Variants in ADAMTS16 observed in about 807,000 individuals in gnomAD.
ADAMTS16 encodes ADAM metallopeptidase with thrombospondin type 1 motif 16.
Under a neutral mutation model 145.8 loss-of-function variants are expected in ADAMTS16, and 94 were observed. That is an observed-to-expected ratio of 0.64 (90% CI 0.55 to 0.77). The LOEUF (loss-of-function observed/expected upper bound fraction) is 0.77, where lower values mean the gene tolerates loss of function less well. Ranked by LOEUF, ADAMTS16 falls within the 30% of genes least tolerant of loss-of-function variation. ADAMTS16 has a pLI of 0.00. For synonymous variants in ADAMTS16, 659 were observed against 604.3 expected, an observed-to-expected ratio of 1.09 and a Z score of -1.33; for missense variants, 1,585 against 1,591.5, an observed-to-expected ratio of 1.00 and a Z score of 0.07.
At position 5,150,550 on chromosome 5, in the gene ADAMTS16, G is replaced by A. The variant is rs1734424003; in HGVS notation, c.501+4095G>A. On this transcript the variant is annotated intron_variant, in intron 3 of 22. Coordinates refer to ENST00000274181, the MANE Select transcript of ADAMTS16 (RefSeq NM_139056.4). ...TGGGTTTTATACCCGGGCACATGAC[G>A]TGCTGGACAAGTTCTGCAGTTCAAT... Among the ~76,000 whole-genome samples, 3 of 152,352 alleles carry A rather than the reference G, an allele frequency of 2.0e-5. No homozygotes were observed. The South Asian group carries it at 6.2e-4, about 32-fold the overall frequency.
In ADAMTS16 at chr5:5,232,345, C is replaced by T. The variant is rs369282647; in HGVS notation, c.1702-23C>T. On this transcript the variant is annotated intron_variant, in intron 11 of 22. Coordinates refer to ENST00000274181, the MANE Select transcript of ADAMTS16 (RefSeq NM_139056.4). Reference sequence around the variant, plus strand: ...TATCCATCTGTGTGAGTCAAGTCAACTTATTTATGTTGAAAATTTTAGTGG... The same window carrying T: ...TATCCATCTGTGTGAGTCAAGTCAATTTATTTATGTTGAAAATTTTAGTGG... The T allele has an allele frequency of 2.5e-6, 4 of 1,613,652 alleles. No homozygotes were observed. In the African/African-American group the frequency reaches 5.3e-5, roughly 22 times the overall value.
chr5:5,245,150 A>G (rs761731009), intron 17 of ADAMTS16, among the ~76,000 whole-genome samples: 3 of 152,198 alleles, frequency 2.0e-5, no homozygotes, highest in Non-Finnish European at 4.4e-5. Context: ...GATCCTTTGG[A>G]ACTAAATCCT....
At chr5:5,220,321 G>A (rs889357544) in intron 10 of ADAMTS16, among the ~76,000 whole-genome samples, 9 of 149,810 alleles carry the variant, frequency 6.0e-5, no homozygotes, top group African/African-American at 2.0e-4. Flanking sequence ...CACCACGCCT[G>A]GCTAATTTTT....
intron 18 of ADAMTS16, among the ~76,000 whole-genome samples, chr5:5,271,946 G>T (rs1738494117): frequency 6.6e-6 from 1 of 152,112 alleles, no homozygotes; most frequent in Admixed American, 6.5e-5. Flanking sequence ...CTGCCTGCTG[G>T]TTGCACACTC....
chr5:5,290,820 A>G (rs1463103045), intron 18 of ADAMTS16, among the ~76,000 whole-genome samples: 1 of 152,048 alleles, frequency 6.6e-6, no homozygotes. Flanking sequence ...CCCCTTGTAA[A>G]CTTTCACTGT....
intron 8 of ADAMTS16, among the ~76,000 whole-genome samples, chr5:5,198,522 GTT>G (rs918288652): frequency 6.6e-6 from 1 of 152,094 alleles, no homozygotes; most frequent in African/African-American, 2.4e-5. Context: ...AAGTGTCAAG[GTT>G]TCAGCCTTGA....
At chr5:5,275,799 G>A (rs1738665430) in intron 18 of ADAMTS16, among the ~76,000 whole-genome samples, 1 of 151,202 alleles carries the variant, frequency 6.6e-6, no homozygotes, top group Non-Finnish European at 1.5e-5. Flanking sequence ...TTGTGTCATT[G>A]GGTTTACCTA....
chr5:5,313,787 C>T (rs539360590), intron 21 of ADAMTS16, among the ~76,000 whole-genome samples: 4 of 152,384 alleles, frequency 2.6e-5, no homozygotes, highest in South Asian at 4.1e-4. Context: ...TGCGTGTGTA[C>T]GCAAACACAC....
Position 5,182,314 on chromosome 5 carries a change from G to T in ADAMTS16, c.763+9G>T. On this transcript the variant is annotated intron_variant, in intron 4 of 22. Transcript: ENST00000274181. ...TGGAAGACGCAAGAAATGTATGTAA[G>T]GGCGAATCTTTGTGTGTATTTAGTG... 1 of 1,604,220 alleles carries T rather than the reference G, an allele frequency of 6.2e-7. No individual in the cohort carries two copies. The highest frequency in any genetic ancestry group is 1.1e-5 in the South Asian group (1 of 90,476).
intron 4 of ADAMTS16, among the ~76,000 whole-genome samples, chr5:5,185,685 G>A (rs1244048462): frequency 6.6e-6 from 1 of 152,178 alleles, no homozygotes; most frequent in Non-Finnish European, 1.5e-5. Flanking sequence ...GTAATTGTTT[G>A]TTCCATTGCT....
At chr5:5,316,474 C>T (rs1355609223) in intron 21 of ADAMTS16, among the ~76,000 whole-genome samples, 1 of 152,174 alleles carries the variant, frequency 6.6e-6, no homozygotes, top group Non-Finnish European at 1.5e-5. Flanking sequence ...TTTTATTTTT[C>T]AGATGACTCA....
chr5:5,271,466 C>T (rs1314362518), intron 18 of ADAMTS16, among the ~76,000 whole-genome samples: 2 of 152,276 alleles, frequency 1.3e-5, no homozygotes, highest in East Asian at 1.9e-4. Flanking sequence ...GACAAGCAGC[C>T]TACGGCCCTC....
At position 5,242,045 on chromosome 5, in the gene ADAMTS16, T is replaced by C; in HGVS notation, c.2524-8T>C. On this transcript the variant is annotated splice_polypyrimidine_tract_variant and splice_region_variant and intron_variant, in intron 16 of 22. Coordinates refer to ENST00000274181, the MANE Select transcript of ADAMTS16 (RefSeq NM_139056.4). ...TTGTTTTATTTTTTCCCCTTTCTTA[T>C]TTTGTAGCTGCTGTTTCAGGGAAGG... 2.5e-6 allele frequency: 4 copies of C among 1,613,910 alleles called. No homozygotes were observed. The highest frequency in any genetic ancestry group is 3.3e-5 in the Admixed American group (2 of 60,006).
intron 7 of ADAMTS16, among the ~76,000 whole-genome samples, chr5:5,190,643 A>C (rs970797593): frequency 2.0e-5 from 3 of 152,100 alleles, no homozygotes; most frequent in Non-Finnish European, 4.4e-5. Flanking sequence ...TGTGCTACTG[A>C]CCAGGATTCC....
intron 4 of ADAMTS16, among the ~76,000 whole-genome samples, chr5:5,184,750 T>A (rs797003674): frequency 6.6e-6 from 1 of 152,042 alleles, no homozygotes; most frequent in African/African-American, 2.4e-5. Context: ...GGGCAGTCAT[T>A]TGCTGAGGGG....
chr5:5,278,398 T>C (rs1411303723), intron 18 of ADAMTS16, among the ~76,000 whole-genome samples: 1 of 152,234 alleles, frequency 6.6e-6, no homozygotes, highest in Non-Finnish European at 1.5e-5. Flanking sequence ...CTCAGCTCTC[T>C]TACCACCAAA....
intron 18 of ADAMTS16, among the ~76,000 whole-genome samples, chr5:5,295,442 T>C (rs1019772905): frequency 5.9e-5 from 9 of 152,242 alleles, no homozygotes; most frequent in African/African-American, 2.2e-4. Flanking sequence ...CAAATTCAGC[T>C]GCCATAAACA....
intron 18 of ADAMTS16, among the ~76,000 whole-genome samples, chr5:5,276,998 A>C (rs1738726169): frequency 6.6e-6 from 1 of 152,208 alleles, no homozygotes; most frequent in Admixed American, 6.5e-5. Flanking sequence ...GTTAAAGAAA[A>C]CATGGCGAAA....
At chr5:5,155,506 A>G (rs958588225) in intron 3 of ADAMTS16, among the ~76,000 whole-genome samples, 1 of 152,196 alleles carries the variant, frequency 6.6e-6, no homozygotes, top group Non-Finnish European at 1.5e-5. Flanking sequence ...CTAGACAACA[A>G]CTACAAGAAT....
Sources: gnomAD v4.1 joint callset for allele counts (sites outside exome capture counted in the v4.1 genomes callset) on GRCh38, gnomAD v4.1.1 for gene constraint, MANE v1.5 for transcripts, NCBI Gene and HGNC (gene_info 2026-07-23, HGNC 2026-07-21) for gene names.